Variants in MSI2 observed in about 807,000 individuals in gnomAD.
The protein encoded by MSI2 is musashi RNA binding protein 2.
MSI2 carries 17 observed loss-of-function variants against 45.6 expected under a neutral mutation model. That is an observed-to-expected ratio of 0.37 (90% CI 0.26 to 0.56). The LOEUF is 0.56. MSI2 is among the 20% of genes least tolerant of loss of function. The pLI, the probability that MSI2 is intolerant of heterozygous loss-of-function variation, is 0.77. For missense variants in MSI2, 293 were observed against 444.2 expected (o/e 0.66, Z 3.06); for synonymous variants, 156 against 158.2 (o/e 0.99, Z 0.11).
At chr17:57,634,826 C>T (rs1909720218) in intron 10 of MSI2, among the ~76,000 whole-genome samples, 1 of 152,234 alleles carries the variant, frequency 6.6e-6, no homozygotes, top group African/African-American at 2.4e-5. Context: ...CAGCATAAGA[C>T]TCCACCTCAT....
At chr17:57,645,041 A>G (rs1910546384) in intron 10 of MSI2, among the ~76,000 whole-genome samples, 1 of 152,234 alleles carries the variant, frequency 6.6e-6, no homozygotes, top group African/African-American at 2.4e-5. Flanking sequence ...TCCCCAGCCC[A>G]TGGGACAGAG....
intron 6 of MSI2, among the ~76,000 whole-genome samples, chr17:57,466,974 A>G (rs2085341570): frequency 6.6e-6 from 1 of 152,130 alleles, no homozygotes; most frequent in Admixed American, 6.5e-5. Flanking sequence ...TCATCCTATT[A>G]GCTCTTTCCA....
chr17:57,579,556 A>G (rs1203643811), intron 7 of MSI2, among the ~76,000 whole-genome samples: 1 of 152,202 alleles, frequency 6.6e-6, no homozygotes, highest in East Asian at 1.9e-4. Flanking sequence ...GTCACCTCTC[A>G]GTTAATCTCC....
chr17:57,521,020 G>A (rs1017478896), intron 6 of MSI2, among the ~76,000 whole-genome samples: 8 of 152,130 alleles, frequency 5.3e-5, no homozygotes, highest in Non-Finnish European at 1.0e-4. Flanking sequence ...AAAGGCCTGG[G>A]TTCAAATTAA....
chr17:57,580,413 C>G (rs781534172), intron 7 of MSI2, among the ~76,000 whole-genome samples: 1 of 152,214 alleles, frequency 6.6e-6, no homozygotes, highest in Non-Finnish European at 1.5e-5. Context: ...GCCTTGGCCC[C>G]CAGCCTACAG....
intron 5 of MSI2, among the ~76,000 whole-genome samples, chr17:57,360,574 G>A (rs1190348750): frequency 2.0e-5 from 3 of 152,234 alleles, no homozygotes; most frequent in Admixed American, 1.3e-4. Flanking sequence ...GCACTGAGGT[G>A]GGCAGTGTTT....
At chr17:57,355,853 G>A (rs1025808756) in intron 5 of MSI2, among the ~76,000 whole-genome samples, 19 of 152,240 alleles carry the variant, frequency 1.2e-4, no homozygotes, top group African/African-American at 4.6e-4. Context: ...TTTGGAAGAT[G>A]TAAAGTGGCA....
chr17:57,459,425 T>C (rs564229477), intron 6 of MSI2, among the ~76,000 whole-genome samples: 38 of 152,336 alleles, frequency 2.5e-4, no homozygotes, highest in African/African-American at 8.7e-4. Flanking sequence ...TCATCTGCTG[T>C]GGCTTTTGCT....
intron 7 of MSI2, among the ~76,000 whole-genome samples, chr17:57,592,036 G>A (rs1904879296): frequency 6.6e-6 from 1 of 151,916 alleles, no homozygotes; most frequent in Non-Finnish European, 1.5e-5. Flanking sequence ...GCCGGGTGCG[G>A]TGGCGTGTAC....
chr17:57,336,960 A>C (rs533658905), intron 5 of MSI2, among the ~76,000 whole-genome samples: 1 of 152,302 alleles, frequency 6.6e-6, no homozygotes, highest in South Asian at 2.1e-4. Flanking sequence ...ATCTGAAGAC[A>C]TGGCCAAGCA....
chr17:57,625,353 G>A (rs60917856), intron 9 of MSI2, among the ~76,000 whole-genome samples: 42 of 152,326 alleles, frequency 2.8e-4, no homozygotes, highest in African/African-American at 1.0e-3. Flanking sequence ...CATCCACCAG[G>A]AAGTGAGGGA....
chr17:57,432,997 A>G (rs534537446), intron 6 of MSI2, among the ~76,000 whole-genome samples: 16 of 152,290 alleles, frequency 1.1e-4, no homozygotes, highest in Middle Eastern at 3.4e-3. Context: ...CCCAACTTGC[A>G]GTGGCTCCCT....
At chr17:57,286,973 A>C (rs1032382939) in intron 5 of MSI2, among the ~76,000 whole-genome samples, 2 of 152,138 alleles carry the variant, frequency 1.3e-5, no homozygotes, top group South Asian at 4.1e-4. Flanking sequence ...AGCAAGGCCT[A>C]GGGAGAGGCT....
At chr17:57,586,726 G>A (rs756532250) in intron 7 of MSI2, among the ~76,000 whole-genome samples, 1 of 152,078 alleles carries the variant, frequency 6.6e-6, no homozygotes, top group African/African-American at 2.4e-5. Flanking sequence ...TAAAGACAGC[G>A]TTATTGAGGG....
chr17:57,504,708 A>G (rs1288239126), intron 6 of MSI2, among the ~76,000 whole-genome samples: 1 of 152,158 alleles, frequency 6.6e-6, no homozygotes, highest in African/African-American at 2.4e-5. Context: ...AGGCGGGTGG[A>G]TCAGCTGAGG....
intron 6 of MSI2, among the ~76,000 whole-genome samples, chr17:57,516,069 A>G (rs1333834272): frequency 1.3e-5 from 2 of 152,102 alleles, no homozygotes; most frequent in African/African-American, 4.8e-5. Flanking sequence ...ATCAGTTTTC[A>G]TGTGTATTTG....
At chr17:57,348,406 T>A (rs1430138600) in intron 5 of MSI2, among the ~76,000 whole-genome samples, 1 of 152,154 alleles carries the variant, frequency 6.6e-6, no homozygotes, top group Non-Finnish European at 1.5e-5. Flanking sequence ...AGATCTCATG[T>A]TGAAATGTGA....
intron 5 of MSI2, among the ~76,000 whole-genome samples, chr17:57,325,181 A>G (rs188292711): frequency 2.0e-5 from 3 of 152,354 alleles, no homozygotes; most frequent in Admixed American, 1.3e-4. Context: ...AGCAACTTGG[A>G]TAGAGCTGGA....
At chr17:57,594,682 G>T (rs569619228) in intron 7 of MSI2, among the ~76,000 whole-genome samples, 126 of 152,284 alleles carry the variant, frequency 8.3e-4, no homozygotes, top group Non-Finnish European at 1.5e-3. Context: ...TAGGGGGTAG[G>T]GGGTATAAAC....
Sources: gnomAD v4.1 joint callset for allele counts (sites outside exome capture counted in the v4.1 genomes callset) on GRCh38, gnomAD v4.1.1 for gene constraint, MANE v1.5 for transcripts, NCBI Gene and HGNC (gene_info 2026-07-23, HGNC 2026-07-21) for gene names.